The following NRG2 variants were observed in gnomAD, a reference collection of about 807,000 sequenced individuals.
NRG2 encodes the protein pro-neuregulin-2, membrane-bound isoform.
Under a neutral mutation model 73.9 loss-of-function variants are expected in NRG2, and 27 were observed. The observed-to-expected ratio is 0.37, with a 90% CI of 0.27 to 0.50. The LOEUF is 0.50. Among genes scored for constraint, NRG2 ranks in the 20% least tolerant of loss-of-function variants. The pLI is 0.96. For synonymous variants in NRG2, 532 were observed against 541.0 expected (o/e 0.98, Z 0.23); for missense variants, 1,126 against 1,210.1 (o/e 0.93, Z 1.03).
chr5:139,905,116 C>A (rs1561670019), intron 1 of NRG2, among the ~76,000 whole-genome samples: 1 of 152,202 alleles, frequency 6.6e-6, no homozygotes, highest in Admixed American at 6.5e-5. Flanking sequence ...TGTAGCCCCC[C>A]TCCCACACAC....
At chr5:139,970,394 G>C (rs1448737313) in intron 1 of NRG2, among the ~76,000 whole-genome samples, 2 of 152,038 alleles carry the variant, frequency 1.3e-5, no homozygotes, top group Non-Finnish European at 2.9e-5. Context: ...ATGATAAGGA[G>C]GTAGGCTTCA....
chr5:139,859,152 GCC>G (rs1404048555), intron 5 of NRG2, among the ~76,000 whole-genome samples: 1 of 152,142 alleles, frequency 6.6e-6, no homozygotes, highest in Non-Finnish European at 1.5e-5. Context: ...GTCCCTTCTA[GCC>G]CAAGGAGTCT....
intron 1 of NRG2, among the ~76,000 whole-genome samples, chr5:140,004,592 C>T (rs2126630340): frequency 6.6e-6 from 1 of 152,266 alleles, no homozygotes; most frequent in East Asian, 1.9e-4. Flanking sequence ...AAATATTAGA[C>T]AAACTCAAGC....
At chr5:139,948,281 C>T (rs73791250) in intron 1 of NRG2, among the ~76,000 whole-genome samples, 1,956 of 152,282 alleles carry the variant, frequency 0.013, 31 homozygotes, top group African/African-American at 0.044. Context: ...CAGAACGGAA[C>T]CAGTCTCATT....
chr5:139,957,276 A>T lies in NRG2; in HGVS notation c.701-69765T>A, dbSNP rs531451351. Reference sequence around the variant, plus strand: ...CTCTTCTTCAGTAGAGATGGGAACTAGCTGGTCACCATCCCCCCACTCAAG... The same window carrying T: ...CTCTTCTTCAGTAGAGATGGGAACTTGCTGGTCACCATCCCCCCACTCAAG... On this transcript the variant is annotated intron_variant, in intron 1 of 9. Coordinates refer to ENST00000361474, the MANE Select transcript of NRG2 (RefSeq NM_004883.3). 1.8e-4 allele frequency among the ~76,000 whole-genome samples: 27 copies of T among 151,396 alleles called. No homozygotes were observed. In the South Asian group the frequency reaches 5.6e-3, roughly 32 times the overall value.
intron 1 of NRG2, among the ~76,000 whole-genome samples, chr5:139,980,057 T>A (rs1233641498): frequency 6.6e-6 from 1 of 152,124 alleles, no homozygotes; most frequent in Non-Finnish European, 1.5e-5. Context: ...CCATGGAAGG[T>A]CCCTCCAGTT....
chr5:139,979,028 T>C (rs1470655206), intron 1 of NRG2, among the ~76,000 whole-genome samples: 1 of 135,784 alleles, frequency 7.4e-6, no homozygotes, highest in African/African-American at 2.8e-5. Context: ...TAGGTGGGAA[T>C]TGAACAATGA....
intron 1 of NRG2, among the ~76,000 whole-genome samples, chr5:139,936,076 A>G (rs963489784): frequency 1.7e-4 from 26 of 152,092 alleles, no homozygotes; most frequent in African/African-American, 6.3e-4. Context: ...TTATATGAGA[A>G]AAGAAGAAAG....
chr5:139,985,155 C>T (rs1438582828), intron 1 of NRG2, among the ~76,000 whole-genome samples: 1 of 152,028 alleles, frequency 6.6e-6, no homozygotes, highest in East Asian at 1.9e-4. Flanking sequence ...GCCTGGCCAA[C>T]ATTGTGAAAC....
At position 139,887,733 on chromosome 5, in the gene NRG2, T is replaced by G. The variant is rs1324765650; in HGVS notation, c.701-222A>C. The stretch of plus-strand genomic sequence containing the variant: ...AGTTATAACTTATGGAGAGTTTCCT[T>G]CATGCCTTGAATGGTATGAAGCTTT... On this transcript the variant is annotated intron_variant, in intron 1 of 9. Coordinates refer to ENST00000361474, the MANE Select transcript of NRG2 (RefSeq NM_004883.3). The surrounding 1 kb of genome is among the most constrained non-coding windows in gnomAD (Gnocchi z 4.5). Among the ~76,000 whole-genome samples, 2 of 152,200 alleles carry G rather than the reference T, an allele frequency of 1.3e-5. No individual in the cohort carries two copies. Among genetic ancestry groups the G allele is most frequent in the African/African-American group, 4.8e-5 (2 of 41,438 alleles).
At chr5:139,891,262 G>T (rs1307996550) in intron 1 of NRG2, among the ~76,000 whole-genome samples, 1 of 152,198 alleles carries the variant, frequency 6.6e-6, no homozygotes, top group Non-Finnish European at 1.5e-5. Flanking sequence ...GGGCTAGGGG[G>T]ATGTGTTGCA....
intron 1 of NRG2, among the ~76,000 whole-genome samples, chr5:139,962,048 G>A (rs970821941): frequency 5.3e-5 from 8 of 152,312 alleles, no homozygotes; most frequent in Admixed American, 5.2e-4. Flanking sequence ...GGTGGCAGGA[G>A]GCACACACAG....
At chr5:139,993,940 A>ATTTTGCT (rs1408566906) in intron 1 of NRG2, among the ~76,000 whole-genome samples, 2 of 152,070 alleles carry the variant, frequency 1.3e-5, no homozygotes, top group East Asian at 3.9e-4. Flanking sequence ...TATTTATGTT[A>ATTTTGCT]TTTTGCTTGT....
intron 1 of NRG2, among the ~76,000 whole-genome samples, chr5:139,941,205 T>G (rs747210503): frequency 4.6e-5 from 7 of 152,180 alleles, no homozygotes; most frequent in Non-Finnish European, 2.9e-5. Context: ...GAGCCAGGTA[T>G]TAAAGATTTT....
intron 1 of NRG2, among the ~76,000 whole-genome samples, chr5:139,906,271 G>T (rs1362568550): frequency 6.6e-6 from 1 of 152,114 alleles, no homozygotes; most frequent in East Asian, 1.9e-4. Context: ...CTCTCAAAGT[G>T]TTGGGATTAC....
intron 1 of NRG2, among the ~76,000 whole-genome samples, chr5:139,966,861 C>T (rs925209259): frequency 2.0e-5 from 3 of 152,148 alleles, no homozygotes; most frequent in Admixed American, 6.5e-5. Context: ...AAGCTCAGAG[C>T]ATACCTGCTC....
At position 139,925,912 on chromosome 5, in the gene NRG2, C is replaced by T. The variant is rs147348182; in HGVS notation, c.701-38401G>A. 3.1e-3 allele frequency among the ~76,000 whole-genome samples: 468 copies of T among 152,348 alleles called. 3 individuals carry two copies. Among genetic ancestry groups the T allele is most frequent in the Middle Eastern group, 6.8e-3 (2 of 294 alleles). The stretch of plus-strand genomic sequence containing the variant: ...CACAGGGTCTCCCAAGCAGCTCATC[C>T]ATGGATGCACTGAGGCAGCTCCTGA... On this transcript the variant is annotated intron_variant, in intron 1 of 9. Coordinates refer to ENST00000361474, the MANE Select transcript of NRG2 (RefSeq NM_004883.3).
chr5:139,886,709 C>T (rs1175949222), intron 2 of NRG2, among the ~76,000 whole-genome samples: 1 of 152,158 alleles, frequency 6.6e-6, no homozygotes, highest in East Asian at 1.9e-4. Flanking sequence ...CTGACCCAGC[C>T]AAGATGGAAG....
At chr5:139,967,814 C>T (rs1348579574) in intron 1 of NRG2, among the ~76,000 whole-genome samples, 2 of 149,936 alleles carry the variant, frequency 1.3e-5, no homozygotes, top group Non-Finnish European at 3.0e-5. Context: ...CAAAAATTAG[C>T]CAGGCGTGGT....
Sources: gnomAD v4.1 joint callset for allele counts (sites outside exome capture counted in the v4.1 genomes callset) on GRCh38, gnomAD v4.1.1 for gene constraint, Gnocchi (gnomAD v3.1) non-coding constraint, MANE v1.5 for transcripts, NCBI Gene and HGNC (gene_info 2026-07-23, HGNC 2026-07-21) for gene names.